Variants in DHX36 observed in about 807,000 individuals in gnomAD.
DHX36 encodes DEAH-box helicase 36, also known as ATP-dependent DNA/RNA helicase DHX36.
DHX36 carries 50 observed loss-of-function variants against 139.0 expected under a neutral mutation model. That is an observed-to-expected ratio of 0.36 (90% CI 0.29 to 0.46). The LOEUF is 0.46. Among genes scored for constraint, DHX36 ranks in the 20% least tolerant of loss-of-function variants. The pLI, the probability that DHX36 is intolerant of heterozygous loss-of-function variation, is 1.00. For synonymous variants in DHX36, 425 were observed against 401.9 expected (o/e 1.06, Z -0.69); for missense variants, 1,024 against 1,211.3 (o/e 0.85, Z 2.29).
chr3:154,302,673 C>G (rs985675246), intron 9 of DHX36, among the ~76,000 whole-genome samples: 1 of 152,068 alleles, frequency 6.6e-6, no homozygotes, highest in African/African-American at 2.4e-5. Flanking sequence ...TTTAAAGGTT[C>G]GGCAATGGAA....
At position 154,309,007 on chromosome 3, in the gene DHX36, G is replaced by A. The variant is rs1387698745; in HGVS notation, c.813+646C>T. On this transcript the variant is annotated intron_variant, in intron 5 of 24. Coordinates refer to ENST00000496811, the MANE Select transcript of DHX36 (RefSeq NM_020865.3). ...GTTCGAGACCAGCATGGGCAACATG[G>A]CAAAACCCCATCTCTACAAAAAATA... 2.9e-4 allele frequency among the ~76,000 whole-genome samples: 44 copies of A among 151,944 alleles called. 1 individual carries two copies. The highest frequency in any genetic ancestry group is 5.9e-5 in the Non-Finnish European group (4 of 67,994).
intron 5 of DHX36, among the ~76,000 whole-genome samples, chr3:154,307,766 T>TAACC (rs1242698132): frequency 4.2e-4 from 63 of 151,462 alleles, no homozygotes; most frequent in African/African-American, 1.5e-3. Context: ...CACTGCTGGG[T>TAACC]TTCTACCCAA....
chr3:154,303,802 A>G (rs1307820875), intron 8 of DHX36, among the ~76,000 whole-genome samples: 1 of 152,242 alleles, frequency 6.6e-6, no homozygotes, highest in African/African-American at 2.4e-5. Context: ...TACTACTTGT[A>G]GCACCCGGAA....
intron 17 of DHX36, among the ~76,000 whole-genome samples, chr3:154,286,521 G>A (rs1386952219): frequency 6.6e-6 from 1 of 150,744 alleles, no homozygotes; most frequent in African/African-American, 2.4e-5. Flanking sequence ...TAGAAGATTA[G>A]TGGTATTTTT....
At chr3:154,292,743 AC>A (rs776927173) in intron 14 of DHX36, 49 bp from the exon 15 acceptor site, 2 of 1,590,242 alleles carry the variant, frequency 1.3e-6, no homozygotes, top group South Asian at 1.1e-5. Context: ...ACACACACAC[AC>A]ACACACACAC....
chr3:154,278,677 A>T (rs1311124233), intron 22 of DHX36: 1 of 151,980 alleles, frequency 6.6e-6, no homozygotes, highest in Non-Finnish European at 1.5e-5. Flanking sequence ...ATGGGGTTTC[A>T]CCACGATGGC....
intron 8 of DHX36, among the ~76,000 whole-genome samples, chr3:154,304,011 C>T (rs1282952596): frequency 6.6e-6 from 1 of 152,134 alleles, no homozygotes; most frequent in Non-Finnish European, 1.5e-5. Context: ...ACTGCTCTAC[C>T]CATGATGTGC....
In DHX36 at chr3:154,283,270, C is replaced by A; in HGVS notation, c.2294G>T (p.Gly765Val). Residue 765 changes from glycine (G) to valine (V), a missense_variant and splice_region_variant, in exon 20 of 25, where the codon GGC becomes GTC. Gly to Val is a moderately radical substitution (Grantham distance 109). Around this residue, in one of 4 missense-constraint regions of DHX36, gnomAD observed 470 missense variants for 616.2 expected, o/e 0.76. Transcript: ENST00000496811. The part of the protein sequence containing the change: ...DHLTVVNAFE[G>V]WEEARRRGFR... ...ACCACGTCGCCTAGCCTCTTCCCAG[C>A]CCTATGGGGCAAAGAAATGAAGAAA... is the stretch of plus-strand genomic sequence containing the variant. 1.2e-6 allele frequency: 2 copies of A among 1,607,044 alleles called. No individual in the cohort carries two copies. The highest frequency in any genetic ancestry group is 1.7e-6 in the Non-Finnish European group (2 of 1,173,954).
chr3:154,289,335 A>G (rs1240694783), intron 16 of DHX36, among the ~76,000 whole-genome samples: 1 of 152,236 alleles, frequency 6.6e-6, no homozygotes, highest in Admixed American at 6.5e-5. Flanking sequence ...TAAGTAGTTT[A>G]TAATGAAGGA....
chr3:154,276,365 G>A lies in DHX36; in HGVS notation c.2842-9C>T. ...AGTTCCTTTCTTAATTCCTAAGGTTGGAAAAATTATACATGTTCAACAAAG... is the reference window on the plus strand; with the variant it reads ...AGTTCCTTTCTTAATTCCTAAGGTTAGAAAAATTATACATGTTCAACAAAG... On this transcript the variant is annotated splice_polypyrimidine_tract_variant and intron_variant, in intron 24 of 24. Transcript: ENST00000496811. 6.2e-7 allele frequency: 1 copy of A among 1,604,154 alleles called. No individual in the cohort carries two copies.
chr3:154,319,479 T>A (rs1419154726), intron 1 of DHX36, among the ~76,000 whole-genome samples: 1 of 152,166 alleles, frequency 6.6e-6, no homozygotes, highest in Non-Finnish European at 1.5e-5. Context: ...CAGTTGGTTA[T>A]CACCAAACCT....
intron 4 of DHX36, among the ~76,000 whole-genome samples, chr3:154,310,052 A>G (rs1712671377): frequency 6.6e-6 from 1 of 152,234 alleles, no homozygotes; most frequent in Non-Finnish European, 1.5e-5. Context: ...AAAGAAAAAC[A>G]TATTGACATA....
rs755131401 is a variant in DHX36, at chr3:154,301,035, G to A, written c.1310C>T (p.Ala437Val). 4.2e-5 allele frequency: 67 copies of A among 1,613,218 alleles called. No individual in the cohort carries two copies. The highest frequency in any genetic ancestry group is 2.2e-4 in the Admixed American group (13 of 59,838). Residue 437 changes from alanine (A) to valine (V), a missense_variant, in exon 10 of 25, where the codon GCA becomes GTA. By Grantham distance (64) the Ala-to-Val change is moderately conservative. Coordinates refer to ENST00000496811, the MANE Select transcript of DHX36 (RefSeq NM_020865.3). Reference sequence around the variant, plus strand: ...ATCTGGCCAACGTTCTTTATATATTGCTTCTTTTTCTTCTTTTTCTTGTCT... The same window carrying A: ...ATCTGGCCAACGTTCTTTATATATTACTTCTTTTTCTTCTTTTTCTTGTCT... ...VNRQEKEEKE[A>V]IYKERWPDYV...
In DHX36 at chr3:154,322,664, G is replaced by A. The variant is rs138320829; in HGVS notation, c.243+1510C>T. Among the ~76,000 whole-genome samples the A allele has an allele frequency of 3.6e-3, 548 of 152,262 alleles. 3 individuals are homozygous for A. Among genetic ancestry groups the A allele is most frequent in the African/African-American group, 0.013 (529 of 41,556 alleles). On this transcript the variant is annotated intron_variant, in intron 1 of 24. Transcript: ENST00000496811. ...ATTCATAACATCCACTGCACAACTG[G>A]CTATACCCTTCATGTGGAAACAATA...
intron 22 of DHX36, chr3:154,279,669 G>A (rs1719270621): frequency 6.6e-6 from 1 of 152,128 alleles, no homozygotes; most frequent in South Asian, 2.1e-4. Flanking sequence ...TGTCCCCTTT[G>A]GGGGCAAAAT....
chr3:154,277,497 A>T, intron 23 of DHX36, 101 bp downstream of exon 23: 1 of 1,278,044 alleles, frequency 7.8e-7, no homozygotes, highest in Non-Finnish European at 1.0e-6. Flanking sequence ...AATAAGACAC[A>T]ACAAAAAAAA....
chr3:154,276,394 G>C (rs1199211099), intron 24 of DHX36, 38 bp from the exon 25 acceptor site: 1 of 1,543,528 alleles, frequency 6.5e-7, no homozygotes, highest in Non-Finnish European at 8.8e-7. Flanking sequence ...AACAAAGGCA[G>C]ATATATTACC....
At chr3:154,300,959 T>A in intron 10 of DHX36, 28 bp downstream of exon 10, 1 of 1,606,178 alleles carries the variant, frequency 6.2e-7, no homozygotes. Context: ...AGCCACTGAT[T>A]TCTCACCTTC....
intron 13 of DHX36, 51 bp from the exon 14 acceptor site, chr3:154,293,863 A>G (rs1711924293): frequency 7.6e-7 from 1 of 1,320,848 alleles, no homozygotes; most frequent in Non-Finnish European, 1.1e-6. Flanking sequence ...CTTCTAATAC[A>G]TTATATTTGT....
Sources: gnomAD v4.1 joint callset for allele counts (sites outside exome capture counted in the v4.1 genomes callset) on GRCh38, gnomAD v4.1.1 for gene constraint, gnomAD v4.1.1 regional missense constraint, MANE v1.5 for transcripts, NCBI Gene and HGNC (gene_info 2026-07-23, HGNC 2026-07-21) for gene names.